TAS2R1: variants seen among roughly 807,000 people sequenced by gnomAD.
TAS2R1 encodes the protein taste receptor type 2 member 1.
For missense variants in TAS2R1, 370 were observed against 353.4 expected (o/e 1.05, Z -0.38); for synonymous variants, 141 against 134.2 (o/e 1.05, Z -0.35).
the TAS2R1 span, among the ~76,000 whole-genome samples, chr5:9,874,230 C>T: frequency 6.6e-6 from 1 of 152,148 alleles, no homozygotes; most frequent in Non-Finnish European, 1.5e-5. Flanking sequence ...TTGCCAACAA[C>T]TTTTCTTTGG....
chr5:9,694,728 A>G (rs187668693), intron 1 of TAS2R1, among the ~76,000 whole-genome samples: 1 of 152,322 alleles, frequency 6.6e-6, no homozygotes, highest in Non-Finnish European at 1.5e-5. Context: ...GTTTGGTATG[A>G]AAAAATTAAT....
chr5:9,890,671 A>T, the TAS2R1 span, among the ~76,000 whole-genome samples: 1 of 152,236 alleles, frequency 6.6e-6, no homozygotes, highest in Admixed American at 6.5e-5. Context: ...TATTTTAAAC[A>T]TGTAAGTGTC....
At chr5:9,699,324 T>C (rs1741427059) in intron 1 of TAS2R1, among the ~76,000 whole-genome samples, 1 of 152,254 alleles carries the variant, frequency 6.6e-6, no homozygotes, top group Non-Finnish European at 1.5e-5. Flanking sequence ...CATTCGCGAA[T>C]TGAATCAGTT....
At chr5:9,713,205 A>T (rs1235588049), upstream of TAS2R1, 1 of 152,188 alleles carries the variant, frequency 6.6e-6, no homozygotes, top group East Asian at 1.9e-4. Context: ...CCAGAAGAGG[A>T]ACCGTGTCTT....
At chr5:9,763,352 A>C in the TAS2R1 span, among the ~76,000 whole-genome samples, 1 of 152,068 alleles carries the variant, frequency 6.6e-6, no homozygotes, top group African/African-American at 2.4e-5. Flanking sequence ...AAAATACAAA[A>C]ATTAGCTGGG....
the TAS2R1 span, among the ~76,000 whole-genome samples, chr5:9,717,881 A>C: frequency 1.3e-5 from 2 of 152,202 alleles, no homozygotes; most frequent in Non-Finnish European, 2.9e-5. Context: ...AATGCAATAA[A>C]ATACTAATAT....
At chr5:9,672,337 G>A (rs1740783564) in intron 1 of TAS2R1, among the ~76,000 whole-genome samples, 1 of 151,522 alleles carries the variant, frequency 6.6e-6, no homozygotes, top group Non-Finnish European at 1.5e-5. Context: ...AATCAACAGA[G>A]TAAAAGACAA....
rs371056799 is a variant in TAS2R1, at chr5:9,704,127, A to G, written c.-242+8045T>C. 2.0e-4 allele frequency among the ~76,000 whole-genome samples: 31 copies of G among 152,340 alleles called. 1 individual carries two copies. The East Asian group carries it at 3.7e-3, about 18-fold the overall frequency. ...TAGGTGAATAAATTCAGGGACAAGA[A>G]CTGAGGTGCAGCGATTCCCCTATCA... On this transcript the variant is annotated intron_variant, in intron 1 of 2. Transcript: ENST00000506620.
the TAS2R1 span, among the ~76,000 whole-genome samples, chr5:9,750,920 T>A: frequency 6.6e-6 from 1 of 151,992 alleles, no homozygotes; most frequent in Non-Finnish European, 1.5e-5. Context: ...ATTACACAAC[T>A]GTCTCAGGAG....
chr5:9,713,814 A>G (rs1189100951), upstream of TAS2R1: 1 of 152,234 alleles, frequency 6.6e-6, no homozygotes, highest in Non-Finnish European at 1.5e-5. Context: ...TTATGGCTAA[A>G]TGTCTGTTTC....
chr5:9,860,947 G>A, the TAS2R1 span, among the ~76,000 whole-genome samples: 5 of 150,464 alleles, frequency 3.3e-5, no homozygotes, highest in Admixed American at 3.3e-4. Flanking sequence ...TTTACCTATT[G>A]GTCACCTGAA....
chr5:9,769,858 A>G, the TAS2R1 span, among the ~76,000 whole-genome samples: 1 of 151,976 alleles, frequency 6.6e-6, no homozygotes, highest in Non-Finnish European at 1.5e-5. Context: ...CTCCCATTCT[A>G]TGGATTATCT....
the TAS2R1 span, among the ~76,000 whole-genome samples, chr5:9,881,195 C>T: frequency 2.0e-5 from 3 of 151,860 alleles, no homozygotes; most frequent in African/African-American, 4.8e-5. Flanking sequence ...ACAAGCATTC[C>T]TATATACAAG....
the TAS2R1 span, among the ~76,000 whole-genome samples, chr5:9,876,099 G>A: frequency 4.6e-5 from 7 of 152,052 alleles, no homozygotes; most frequent in African/African-American, 1.7e-4. Flanking sequence ...AGCCCAGGAG[G>A]GACAGGAGAA....
intron 1 of TAS2R1, among the ~76,000 whole-genome samples, chr5:9,701,343 A>T (rs1234299662): frequency 6.6e-6 from 1 of 151,504 alleles, no homozygotes. Context: ...CTCTTTACCC[A>T]TCTGGCAACA....
chr5:9,873,826 G>C, the TAS2R1 span, among the ~76,000 whole-genome samples: 1 of 147,388 alleles, frequency 6.8e-6, no homozygotes, highest in African/African-American at 2.5e-5. Context: ...CGGAGATTGA[G>C]CCATTGCATT....
At chr5:9,756,251 A>G in the TAS2R1 span, among the ~76,000 whole-genome samples, 62 of 152,336 alleles carry the variant, frequency 4.1e-4, no homozygotes, top group East Asian at 0.011. Context: ...GAGAGCCTTC[A>G]GGGAAGCATC....
chr5:9,740,377 T>C, the TAS2R1 span, among the ~76,000 whole-genome samples: 2 of 152,212 alleles, frequency 1.3e-5, no homozygotes, highest in African/African-American at 4.8e-5. Context: ...GTCTGGCTTT[T>C]CTTATTCTGC....
chr5:9,779,425 A>C, the TAS2R1 span, among the ~76,000 whole-genome samples: 4 of 152,190 alleles, frequency 2.6e-5, no homozygotes, highest in African/African-American at 9.7e-5. Context: ...ACACTTCCTC[A>C]CCAAGTTTAA....
Sources: gnomAD v4.1 joint callset for allele counts (sites outside exome capture counted in the v4.1 genomes callset) on GRCh38, gnomAD v4.1.1 for gene constraint, MANE v1.5 for transcripts, NCBI Gene and HGNC (gene_info 2026-07-23, HGNC 2026-07-21) for gene names.